The following GAN variants were observed in gnomAD, a reference collection of about 807,000 sequenced individuals.
The protein encoded by GAN is gigaxonin.
GAN carries 48 observed loss-of-function variants against 71.3 expected under a neutral mutation model. The observed-to-expected ratio is 0.67, with a 90% CI of 0.53 to 0.86. GAN has a LOEUF of 0.86. Ranked by LOEUF, GAN falls within the 40% of genes least tolerant of loss-of-function variation. The pLI is 0.00. For missense variants in GAN, 928 were observed against 770.1 expected (o/e 1.21, Z -2.43); for synonymous variants, 386 against 276.8 (o/e 1.39, Z -3.92).
At chr16:81,353,933 C>G (rs963909662) in intron 2 of GAN, among the ~76,000 whole-genome samples, 5 of 152,202 alleles carry the variant, frequency 3.3e-5, no homozygotes, top group African/African-American at 1.2e-4. Flanking sequence ...AAACCCCTCT[C>G]CCTTCAAGGG....
intron 1 of GAN, among the ~76,000 whole-genome samples, chr16:81,351,154 T>C (rs1280172272): frequency 3.3e-5 from 5 of 152,322 alleles, no homozygotes; most frequent in African/African-American, 1.2e-4. Context: ...GAGGAATGGA[T>C]TGGTGGGGAA....
rs564458434 is a variant in GAN, at chr16:81,358,355, C to T, written c.973+424C>T. On this transcript the variant is annotated intron_variant, in intron 5 of 10. Coordinates refer to ENST00000648994, the MANE Select transcript of GAN (RefSeq NM_022041.4). ...TAAGGCCGAGTGTGGTGGCTCACAC[C>T]TGTAATCCCCGCAGTTTAGGAGGCT... Among the ~76,000 whole-genome samples the T allele has an allele frequency of 2.0e-5, 3 of 152,240 alleles. No individual in the cohort carries two copies. In the East Asian group the frequency reaches 5.8e-4, roughly 29 times the overall value.
intron 5 of GAN, among the ~76,000 whole-genome samples, chr16:81,359,364 T>C (rs113850400): frequency 1.3e-3 from 191 of 151,116 alleles, no homozygotes; most frequent in African/African-American, 4.3e-3. Flanking sequence ...GAAACAGAAG[T>C]GAGTGATTGA....
At chr16:81,356,602 A>T (rs540818005) in intron 3 of GAN, among the ~76,000 whole-genome samples, 183 bp from the exon 4 acceptor site, 9 of 152,276 alleles carry the variant, frequency 5.9e-5, no homozygotes, top group African/African-American at 1.9e-4. Context: ...ACTTATCAAG[A>T]CTCTGGGAAG....
intron 9 of GAN, among the ~76,000 whole-genome samples, chr16:81,376,650 GTGTGTATATA>G (rs1471724923): frequency 1.7e-4 from 25 of 150,266 alleles, no homozygotes. Context: ...GTGTATATAT[GTGTGTATATA>G]TGTGTGTATA....
rs1479793216 is a variant in GAN, at chr16:81,380,497, TTTTTG to T, written c.*2911_*2915del. The T allele has an allele frequency of 2.3e-4, 35 of 152,226 alleles. No homozygotes were observed. Among genetic ancestry groups the T allele is most frequent in the Admixed American group, 4.6e-4 (7 of 15,280 alleles). The allele number at this position is 152,226 out of a possible 1,614,324, so 9.4% of individuals were successfully genotyped here. On this transcript the variant is annotated 3_prime_UTR_variant, in exon 11 of 11. Coordinates refer to ENST00000648994, the MANE Select transcript of GAN (RefSeq NM_022041.4). ...AGATTTAAGTGTTTATTGAAAGTGT[TTTTTG>T]TTTTGTTTTTGATAGTGCTTATATC...
At chr16:81,340,397 A>G (rs1489464188) in intron 1 of GAN, among the ~76,000 whole-genome samples, 1 of 152,196 alleles carries the variant, frequency 6.6e-6, no homozygotes, top group Admixed American at 6.5e-5. Context: ...CACACCTCAC[A>G]CAGGCAGGTG....
chr16:81,363,833 C>T lies in GAN; in HGVS notation c.1126C>T (p.Leu376=). 1 of 1,612,512 alleles carries T rather than the reference C, an allele frequency of 6.2e-7. No individual in the cohort carries two copies. Among genetic ancestry groups the T allele is most frequent in the African/African-American group, 1.3e-5 (1 of 74,960 alleles). Residue 376 remains leucine, a synonymous_variant, in exon 7 of 11, where the codon CTG becomes TTG. Transcript: ENST00000648994. The part of the protein sequence containing the change: ...NFGIVEIDGM[L]YILGGEDGEK... ...CGGAATTGTGGAGATAGATGGGATGCTGTACATTTTGGGAGGAGAGGATGG... is the reference window on the plus strand; with the variant it reads ...CGGAATTGTGGAGATAGATGGGATGTTGTACATTTTGGGAGGAGAGGATGG...
At chr16:81,369,774 G>A (rs966869922) in intron 9 of GAN, among the ~76,000 whole-genome samples, 1 of 152,036 alleles carries the variant, frequency 6.6e-6, no homozygotes, top group African/African-American at 2.4e-5. Context: ...AGTAGAGGCA[G>A]GGTTTCACCG....
At chr16:81,375,933 G>A (rs1486381248) in intron 9 of GAN, among the ~76,000 whole-genome samples, 1 of 149,080 alleles carries the variant, frequency 6.7e-6, no homozygotes, top group East Asian at 2.0e-4. Context: ...TTGCACCACT[G>A]CACTCCAGCC....
chr16:81,354,554 C>T lies in GAN; in HGVS notation c.432C>T (p.Tyr144=). The T allele has an allele frequency of 6.2e-7, 1 of 1,614,078 alleles. No homozygotes were observed. Among genetic ancestry groups the T allele is most frequent in the Middle Eastern group, 1.7e-4 (1 of 6,060 alleles). The change falls in exon 3 of 11, where the codon TAC becomes TAT. Residue 144 remains tyrosine (Y), a synonymous_variant. Transcript: ENST00000648994. ...CIGIRDFALH[Y]CLHHVHYLAT... is the part of the protein sequence containing the mutation. ...GTATCCGTGACTTTGCACTACATTACTGCCTCCATCACGTTCATTACCTTG... is the reference window on the plus strand; with the variant it reads ...GTATCCGTGACTTTGCACTACATTATTGCCTCCATCACGTTCATTACCTTG...
intron 3 of GAN, among the ~76,000 whole-genome samples, chr16:81,355,148 G>A (rs1910444350): frequency 6.6e-6 from 1 of 152,182 alleles, no homozygotes; most frequent in African/African-American, 2.4e-5. Flanking sequence ...GCAGGGGGGT[G>A]GCACGTGGAT....
chr16:81,347,636 CT>C (rs1264082320), intron 1 of GAN, among the ~76,000 whole-genome samples: 1 of 152,174 alleles, frequency 6.6e-6, no homozygotes, highest in African/African-American at 2.4e-5. Context: ...TTGTTCCCCC[CT>C]GCCACTTGAT....
chr16:81,356,549 T>G (rs1910491716), intron 3 of GAN, among the ~76,000 whole-genome samples: 1 of 152,326 alleles, frequency 6.6e-6, no homozygotes, highest in Non-Finnish European at 1.5e-5. Flanking sequence ...ACTTTTACAG[T>G]GATACCTCAA....
chr16:81,361,681 C>A (rs1351640479), intron 5 of GAN, among the ~76,000 whole-genome samples: 1 of 152,200 alleles, frequency 6.6e-6, no homozygotes, highest in African/African-American at 2.4e-5. Context: ...GGCTTCTCCT[C>A]TTCTAAGAAG....
rs1289944928 is a variant in GAN, at chr16:81,315,088, C to T, written c.-26C>T. ...GGCCGGACGGTGTCGGGAGCCGGACCCGTCGGCAGAGGAGCGGGCGCCGCG... is the reference window on the plus strand; with the variant it reads ...GGCCGGACGGTGTCGGGAGCCGGACTCGTCGGCAGAGGAGCGGGCGCCGCG... On this transcript the variant is annotated 5_prime_UTR_variant, in exon 1 of 11. Transcript: ENST00000648994. 1.4e-6 allele frequency: 2 copies of T among 1,466,424 alleles called. No individual in the cohort carries two copies. Among genetic ancestry groups the T allele is most frequent in the Non-Finnish European group, 1.8e-6 (2 of 1,103,424 alleles). 90.8% of individuals were successfully genotyped at this position (1,466,424 alleles called of 1,614,324 possible). A position where few individuals can be genotyped will look rare whatever the true frequency, so the allele number is the denominator to read the frequency against.
At chr16:81,359,707 C>T (rs148013098) in intron 5 of GAN, among the ~76,000 whole-genome samples, 197 of 152,182 alleles carry the variant, frequency 1.3e-3, no homozygotes, top group African/African-American at 4.5e-3. Flanking sequence ...CCAAGACCCC[C>T]GAGTGGTTGT....
Position 81,380,251 on chromosome 16 carries a change from T to G in GAN, c.*2655T>G, listed in dbSNP as rs1186804085. The G allele has an allele frequency of 6.6e-6, 1 of 152,664 alleles. No individual in the cohort carries two copies. The highest frequency in any genetic ancestry group is 1.5e-5 in the Non-Finnish European group (1 of 68,034). 9.5% of individuals were successfully genotyped at this position (152,664 alleles called of 1,614,324 possible). ...TTCTTGATAACTTTTTGATACTTCT[T>G]TCTTGATAAGGCACTTTTACCAGGT... On this transcript the variant is annotated 3_prime_UTR_variant, in exon 11 of 11. Transcript: ENST00000648994.
intron 1 of GAN, among the ~76,000 whole-genome samples, chr16:81,342,825 C>T (rs1443547789): frequency 6.6e-6 from 1 of 152,092 alleles, no homozygotes; most frequent in Non-Finnish European, 1.5e-5. Context: ...TTCAAAAAAT[C>T]AATGAATCCA....
Sources: gnomAD v4.1 joint callset for allele counts (sites outside exome capture counted in the v4.1 genomes callset) on GRCh38, gnomAD v4.1.1 for gene constraint, MANE v1.5 for transcripts, NCBI Gene and HGNC (gene_info 2026-07-23, HGNC 2026-07-21) for gene names.